Variants in ZNF486 observed in about 807,000 individuals in gnomAD.
ZNF486 encodes the protein KRAB box only protein 2.
Under a neutral mutation model 12.8 loss-of-function variants are expected in ZNF486, and 12 were observed. That is an observed-to-expected ratio of 0.94 (90% confidence interval 0.60 to 1.52). ZNF486 has a LOEUF of 1.52. ZNF486 is among the 40% of genes most tolerant of loss of function. The probability of loss-of-function intolerance (pLI) is 0.00; values close to 1 mark genes in which losing one functional copy is unlikely to be tolerated. For synonymous variants in ZNF486, 231 were observed against 184.9 expected (o/e 1.25, Z -2.02); for missense variants, 738 against 545.0 (o/e 1.35, Z -3.53).
intron 3 of ZNF486, among the ~76,000 whole-genome samples, 182 bp downstream of exon 3, chr19:20,186,264 C>T (rs1011646177): frequency 6.6e-5 from 10 of 152,136 alleles, no homozygotes; most frequent in Admixed American, 2.6e-4. Context: ...ACATCTGTCT[C>T]ATGCTTTTAA....
chr19:20,192,428 C>A (rs2089911741), intron 3 of ZNF486, among the ~76,000 whole-genome samples: 1 of 152,192 alleles, frequency 6.6e-6, no homozygotes, highest in Non-Finnish European at 1.5e-5. Context: ...TTGTCAGCCT[C>A]CCAAGTAGCT....
intron 1 of ZNF486, among the ~76,000 whole-genome samples, chr19:20,169,572 A>C (rs1319016942): frequency 6.6e-6 from 1 of 151,886 alleles, no homozygotes; most frequent in African/African-American, 2.4e-5. Context: ...GGTGAAAGGA[A>C]ACTGGGAGGG....
intron 3 of ZNF486, chr19:20,188,260 G>C: frequency 2.6e-6 from 1 of 388,584 alleles, no homozygotes; most frequent in East Asian, 3.7e-5. Flanking sequence ...CCTTTTGTGA[G>C]AGAAATACTT....
At position 20,167,372 on chromosome 19, in the gene ZNF486, C is replaced by T. The variant is rs569497688; in HGVS notation, c.30+12C>T. 2 of 1,612,910 alleles carry T rather than the reference C, an allele frequency of 1.2e-6. No homozygotes were observed. Among genetic ancestry groups the T allele is most frequent in the East Asian group, 2.2e-5 (1 of 44,872 alleles). ...GAAGCCTAGAAATGGTGAGAGTGCC[C>T]ATTGGACATCCTGAGAGAGGGGAGG... On this transcript the variant is annotated intron_variant, in intron 1 of 3. Transcript: ENST00000335117.
In ZNF486 at chr19:20,186,002, A is replaced by T. The variant is rs782099806; in HGVS notation, c.173A>T (p.Lys58Met). 6.3e-7 allele frequency: 1 copy of T among 1,581,778 alleles called. No homozygotes were observed. Among genetic ancestry groups the T allele is most frequent in the South Asian group, 1.2e-5 (1 of 84,984 alleles). Residue 58 changes from lysine to methionine, a missense_variant, in exon 3 of 4, where the codon AAG (lysine) becomes ATG (methionine). Lys to Met is a moderately conservative substitution (Grantham distance 95). Coordinates refer to ENST00000335117, the MANE Select transcript of ZNF486 (RefSeq NM_052852.4). Reference protein sequence around the residue: ...HLVFLGIIVSKPDLITCLEQG... With the variant: ...HLVFLGIIVSMPDLITCLEQG... ...AATGAAACAGGTATTATTGTCTCTAAGCCAGACCTGATCACCTGTCTGGAG... is the reference window on the plus strand; with the variant it reads ...AATGAAACAGGTATTATTGTCTCTATGCCAGACCTGATCACCTGTCTGGAG...
chr19:20,190,897 A>G (rs1386771525), intron 3 of ZNF486, among the ~76,000 whole-genome samples: 7 of 152,162 alleles, frequency 4.6e-5, no homozygotes, highest in African/African-American at 1.7e-4. Context: ...CTGGTGGGAC[A>G]TGTTTGTGTC....
rs576292768 is a variant in ZNF486, at chr19:20,199,667, C to T, written c.*1565C>T. On this transcript the variant is annotated 3_prime_UTR_variant, in exon 4 of 4. Coordinates refer to ENST00000335117, the MANE Select transcript of ZNF486 (RefSeq NM_052852.4). ...GGCAGAGGTTGTGGTGAGTCGAGAT[C>T]ATTGCACTCCAGCCTGGGCAATAAG... 4.0e-5 allele frequency: 6 copies of T among 151,762 alleles called. No homozygotes were observed. In the East Asian group the frequency reaches 9.7e-4, roughly 25 times the overall value. The allele number at this position is 151,762 out of a possible 1,614,324, so 9.4% of individuals were successfully genotyped here.
chr19:20,191,945 C>T (rs782814421), intron 3 of ZNF486, among the ~76,000 whole-genome samples: 16 of 151,922 alleles, frequency 1.1e-4, no homozygotes, highest in Non-Finnish European at 1.6e-4. Flanking sequence ...GCTATGTATG[C>T]CTTGCTTCAC....
At chr19:20,170,694 C>G (rs548540223) in intron 1 of ZNF486, among the ~76,000 whole-genome samples, 1 of 152,310 alleles carries the variant, frequency 6.6e-6, no homozygotes, top group African/African-American at 2.4e-5. Context: ...AGAGCACCAT[C>G]TAAGTCATAA....
intron 3 of ZNF486, among the ~76,000 whole-genome samples, chr19:20,189,181 T>A (rs2089878949): frequency 6.6e-6 from 1 of 152,012 alleles, no homozygotes. Flanking sequence ...TTCAAGCAAT[T>A]CTGCTTCAGC....
In ZNF486 at chr19:20,197,810, T is replaced by C; in HGVS notation, c.1100T>C (p.Met367Thr). 1.2e-6 allele frequency: 2 copies of C among 1,611,170 alleles called. No individual in the cohort carries two copies. The highest frequency in any genetic ancestry group is 1.7e-5 in the Admixed American group (1 of 59,802). The change falls in exon 4 of 4, where the codon ATG (methionine) becomes ACG (threonine). Residue 367 changes from methionine (M) to threonine (T), a missense_variant. Physicochemically the swap from Met to Thr is moderately conservative, Grantham distance 81. Transcript: ENST00000335117. ...TTCACCCGCTCCTCACACCTTACTA[T>C]GCATAAGATAATTCATACTGGAGAG... Reference protein sequence around the residue: ...KAFTRSSHLTMHKIIHTGEKP... With the variant: ...KAFTRSSHLTTHKIIHTGEKP...
In ZNF486 at chr19:20,171,408, C is replaced by T. The variant is rs544688717; in HGVS notation, c.30+4048C>T. 8.5e-5 allele frequency among the ~76,000 whole-genome samples: 13 copies of T among 152,338 alleles called. No homozygotes were observed. In the South Asian group the frequency reaches 1.7e-3, roughly 19 times the overall value. Reference sequence around the variant, plus strand: ...ACTAGACATTAACGTGTCCACACTCCTCCCAGGACTAGGCATCACCCTCAG... The same window carrying T: ...ACTAGACATTAACGTGTCCACACTCTTCCCAGGACTAGGCATCACCCTCAG... On this transcript the variant is annotated intron_variant, in intron 1 of 3. Coordinates refer to ENST00000335117, the MANE Select transcript of ZNF486 (RefSeq NM_052852.4).
intron 1 of ZNF486, among the ~76,000 whole-genome samples, chr19:20,177,332 G>A (rs1042929399): frequency 3.9e-5 from 6 of 152,326 alleles, no homozygotes; most frequent in Admixed American, 3.9e-4. Flanking sequence ...GCAGGTACCT[G>A]ACTTCAAGCT....
chr19:20,199,825 C>T lies in ZNF486; in HGVS notation c.*1723C>T, dbSNP rs1346245137. 6.6e-6 allele frequency: 1 copy of T among 152,072 alleles called. No homozygotes were observed. Among genetic ancestry groups the T allele is most frequent in the Admixed American group, 6.6e-5 (1 of 15,238 alleles). The allele number at this position is 152,072 out of a possible 1,614,324, so 9.4% of individuals were successfully genotyped here. ...GTGTGGTGGCTCATGCCTGTAATCC[C>T]AACACTTTGGGAGGCCAAGGCAGGT... On this transcript the variant is annotated 3_prime_UTR_variant, in exon 4 of 4. Transcript: ENST00000335117.
At chr19:20,188,752 C>T (rs1367384862) in intron 3 of ZNF486, 2 of 299,218 alleles carry the variant, frequency 6.7e-6, no homozygotes, top group East Asian at 5.4e-5. Flanking sequence ...AAACTCAATA[C>T]CCATTAAATA....
chr19:20,173,613 G>A (rs562657573), intron 1 of ZNF486, among the ~76,000 whole-genome samples: 16 of 152,100 alleles, frequency 1.1e-4, no homozygotes, highest in Admixed American at 2.6e-4. Context: ...GGTGGATCAC[G>A]AGGTCAGGAG....
chr19:20,185,145 A>G (rs1291985215), intron 2 of ZNF486, among the ~76,000 whole-genome samples: 2 of 152,130 alleles, frequency 1.3e-5, no homozygotes, highest in African/African-American at 4.8e-5. Flanking sequence ...TCTATAGATC[A>G]CTTTGGATAA....
chr19:20,180,374 TAC>T (rs2122648077), intron 1 of ZNF486, among the ~76,000 whole-genome samples: 1 of 152,202 alleles, frequency 6.6e-6, no homozygotes, highest in South Asian at 2.1e-4. Flanking sequence ...ATTAAAAAAA[TAC>T]GTGAAGCAGT....
At chr19:20,192,697 CT>C (rs1430059375) in intron 3 of ZNF486, among the ~76,000 whole-genome samples, 1 of 152,140 alleles carries the variant, frequency 6.6e-6, no homozygotes, top group Non-Finnish European at 1.5e-5. Flanking sequence ...TCAGATGATC[CT>C]CTCATTTTAG....
Sources: allele counts gnomAD v4.1 joint callset (sites outside exome capture counted in the v4.1 genomes callset), GRCh38; gene constraint gnomAD v4.1.1; transcripts MANE v1.5; gene names NCBI Gene and HGNC (gene_info 2026-07-23, HGNC 2026-07-21).